Variants in TXLNB observed in about 807,000 individuals in gnomAD.
TXLNB encodes beta-taxilin.
A neutral mutation model predicts 57.4 loss-of-function variants in TXLNB; 37 were observed. That is an observed-to-expected ratio of 0.64 (90% CI 0.50 to 0.85). The LOEUF is 0.85. Ranked by LOEUF, TXLNB falls within the 40% of genes least tolerant of loss-of-function variation. The pLI, the probability that TXLNB is intolerant of heterozygous loss-of-function variation, is 0.00. For missense variants in TXLNB, 848 were observed against 825.6 expected (o/e 1.03, Z -0.33); for synonymous variants, 302 against 309.6 (o/e 0.98, Z 0.26).
chr6:139,166,819 G>C, the TXLNB span: 1 of 1,613,636 alleles, frequency 6.2e-7, no homozygotes, highest in South Asian at 1.1e-5. Flanking sequence ...GTGGCTCCCC[G>C]GGCCAGTCCC....
chr6:139,305,262 T>A, the TXLNB span, among the ~76,000 whole-genome samples: 1 of 152,164 alleles, frequency 6.6e-6, no homozygotes, highest in Non-Finnish European at 1.5e-5. Context: ...TGGAAATTTT[T>A]GAGCATGTGG....
chr6:139,193,840 AT>A, the TXLNB span, among the ~76,000 whole-genome samples: 1,199 of 85,154 alleles, frequency 0.014, 13 homozygotes, highest in African/African-American at 0.045. Context: ...ATATATATAT[AT>A]TTTTTTTTTT....
At chr6:139,169,377 A>C in the TXLNB span, among the ~76,000 whole-genome samples, 1 of 152,000 alleles carries the variant, frequency 6.6e-6, no homozygotes, top group Admixed American at 6.6e-5. Context: ...CGGAGTTACA[A>C]ATTTTCTGTT....
the TXLNB span, among the ~76,000 whole-genome samples, chr6:139,229,479 C>T: frequency 3.3e-5 from 5 of 152,054 alleles, no homozygotes; most frequent in South Asian, 4.1e-4. Context: ...CCTGCCACCA[C>T]GCCCGGCTAA....
chr6:139,308,092 G>C, the TXLNB span, among the ~76,000 whole-genome samples: 1 of 151,886 alleles, frequency 6.6e-6, no homozygotes, highest in South Asian at 2.1e-4. Context: ...GGCCACAATG[G>C]CTCTTTTAAA....
At chr6:139,290,311 C>T (rs970578617) in intron 1 of TXLNB, among the ~76,000 whole-genome samples, 2 of 152,036 alleles carry the variant, frequency 1.3e-5, no homozygotes, top group South Asian at 2.1e-4. Flanking sequence ...ACTTGGGAGG[C>T]GGAGGCTGTA....
intron 6 of TXLNB, among the ~76,000 whole-genome samples, chr6:139,259,011 C>T (rs1214017479): frequency 6.6e-6 from 1 of 152,192 alleles, no homozygotes; most frequent in Non-Finnish European, 1.5e-5. Context: ...TAGGAGTCAT[C>T]CTTGACTTTC....
At chr6:139,233,831 G>A in the TXLNB span, among the ~76,000 whole-genome samples, 1 of 152,212 alleles carries the variant, frequency 6.6e-6, no homozygotes. Flanking sequence ...ACAAAAATGT[G>A]TAAGTGACTT....
the TXLNB span, among the ~76,000 whole-genome samples, chr6:139,305,036 C>T: frequency 6.6e-6 from 1 of 152,126 alleles, no homozygotes; most frequent in Non-Finnish European, 1.5e-5. Flanking sequence ...ATTTTGATAG[C>T]CTGTAATATG....
At position 139,244,589 on chromosome 6, in the gene TXLNB, C is replaced by G; in HGVS notation, c.1266+6G>C. 6.2e-7 allele frequency: 1 copy of G among 1,601,442 alleles called. No individual in the cohort carries two copies. Among genetic ancestry groups the G allele is most frequent in the Non-Finnish European group, 8.6e-7 (1 of 1,168,504 alleles). On this transcript the variant is annotated splice_donor_region_variant and intron_variant, in intron 9 of 9. Coordinates refer to ENST00000358430, the MANE Select transcript of TXLNB (RefSeq NM_153235.4). ...GGGATTAAAGCTAAGGGAGAAACTT[C>G]CTCACCTCTTCAATCATGTCCAACA...
At chr6:139,297,858 G>A in the TXLNB span, among the ~76,000 whole-genome samples, 1 of 152,126 alleles carries the variant, frequency 6.6e-6, no homozygotes, top group Non-Finnish European at 1.5e-5. Context: ...TCATCTCTTG[G>A]TTGTGGTATT....
chr6:139,291,001 C>A (rs969169159), intron 1 of TXLNB, among the ~76,000 whole-genome samples: 1 of 152,024 alleles, frequency 6.6e-6, no homozygotes, highest in South Asian at 2.1e-4. Flanking sequence ...TACTTTTTTT[C>A]TTTCACTGGT....
At chr6:139,270,264 C>A (rs982530726) in intron 4 of TXLNB, among the ~76,000 whole-genome samples, 192 bp downstream of exon 4, 7 of 152,146 alleles carry the variant, frequency 4.6e-5, no homozygotes, top group East Asian at 1.9e-4. Context: ...CTGGTCTAAT[C>A]TCCATTTTAC....
chr6:139,296,359 CCTGT>C (rs1322167827), upstream of TXLNB, among the ~76,000 whole-genome samples: 1 of 151,816 alleles, frequency 6.6e-6, no homozygotes, highest in Non-Finnish European at 1.5e-5. Context: ...ATTATTTTCC[CCTGT>C]CTTTTAGTTT....
the TXLNB span, chr6:139,197,604 G>C: frequency 2.0e-5 from 3 of 152,186 alleles, no homozygotes; most frequent in African/African-American, 4.8e-5. Flanking sequence ...ATCTAGGAAA[G>C]TTATACAGAG....
chr6:139,193,581 T>C, the TXLNB span, among the ~76,000 whole-genome samples: 1 of 151,802 alleles, frequency 6.6e-6, no homozygotes, highest in East Asian at 1.9e-4. Flanking sequence ...GATATTCTAT[T>C]GCACCAGAGA....
the TXLNB span, among the ~76,000 whole-genome samples, chr6:139,231,267 C>A: frequency 6.6e-6 from 1 of 152,112 alleles, no homozygotes; most frequent in Non-Finnish European, 1.5e-5. Context: ...TTTTTAGTTG[C>A]TGAACATTTT....
intron 5 of TXLNB, among the ~76,000 whole-genome samples, chr6:139,262,296 G>T (rs772806934): frequency 6.6e-6 from 1 of 152,090 alleles, no homozygotes; most frequent in Non-Finnish European, 1.5e-5. Flanking sequence ...TTTTTAAAAG[G>T]CTGAGAAATA....
chr6:139,177,863 A>G, the TXLNB span: 1 of 152,200 alleles, frequency 6.6e-6, no homozygotes. This position sits in a 1 kb window ranked among gnomAD's most constrained non-coding sequence, Gnocchi z 4.9. Flanking sequence ...TTTAAGGAGA[A>G]CCCATGAATA....
Sources: gnomAD v4.1 joint callset for allele counts (sites outside exome capture counted in the v4.1 genomes callset) on GRCh38, gnomAD v4.1.1 for gene constraint, Gnocchi (gnomAD v3.1) non-coding constraint, MANE v1.5 for transcripts, NCBI Gene and HGNC (gene_info 2026-07-23, HGNC 2026-07-21) for gene names.